The following SPRED2 variants were observed in gnomAD, a reference collection of about 807,000 sequenced individuals.
SPRED2 encodes sprouty related EVH1 domain containing 2, also known as sprouty-related, EVH1 domain-containing protein 2.
SPRED2 carries 47 observed loss-of-function variants against 43.0 expected under a neutral mutation model. The ratio of observed to expected loss-of-function variants is 1.09; its 90% confidence interval spans 0.87 to 1.40. The LOEUF is 1.40. Ranked by LOEUF, SPRED2 falls within the 40% of genes most tolerant of loss-of-function variation. The probability of loss-of-function intolerance (pLI) is 0.00; values close to 1 mark genes in which losing one functional copy is unlikely to be tolerated. For missense variants in SPRED2, 561 were observed against 586.4 expected (o/e 0.96, Z 0.45); for synonymous variants, 225 against 225.7 (o/e 1.00, Z 0.03).
At chr2:65,402,031 C>T (rs1423369215) in intron 1 of SPRED2, among the ~76,000 whole-genome samples, 3 of 150,686 alleles carry the variant, frequency 2.0e-5, no homozygotes, top group Admixed American at 2.0e-4. Flanking sequence ...CCAGGAGGAT[C>T]AGGTATTTCA....
chr2:65,323,201 G>C (rs1673485738), intron 4 of SPRED2, among the ~76,000 whole-genome samples: 2 of 152,056 alleles, frequency 1.3e-5, no homozygotes, highest in Admixed American at 1.3e-4. Context: ...CGCCATGTTG[G>C]CCAGGCTGGT....
intron 1 of SPRED2, among the ~76,000 whole-genome samples, chr2:65,416,325 A>T (rs1481798193): frequency 6.6e-6 from 1 of 152,164 alleles, no homozygotes; most frequent in Non-Finnish European, 1.5e-5. Context: ...TTGTTGAGAC[A>T]GTTGGGGGGG....
chr2:65,340,150 A>T lies in SPRED2; in HGVS notation c.204+4569T>A, dbSNP rs1674136889. 2.6e-5 allele frequency among the ~76,000 whole-genome samples: 4 copies of T among 152,292 alleles called. No homozygotes were observed. In the South Asian group the frequency reaches 6.2e-4, roughly 24 times the overall value. On this transcript the variant is annotated intron_variant, in intron 2 of 5. Transcript: ENST00000356388. ...AATACTGTTTAATTAAAAGTTTTAA[A>T]TTTTTTCCATTTTAATTTCTAATAT...
chr2:65,325,623 G>A (rs1426200836), intron 4 of SPRED2, among the ~76,000 whole-genome samples: 2 of 152,136 alleles, frequency 1.3e-5, no homozygotes, highest in Non-Finnish European at 2.9e-5. Context: ...GTTGGACTAA[G>A]CCCGTTGCTT....
At chr2:65,344,479 C>T (rs1322714684) in intron 2 of SPRED2, 4 of 633,756 alleles carry the variant, frequency 6.3e-6, no homozygotes, top group Non-Finnish European at 1.2e-5. Flanking sequence ...GCAAATAAAA[C>T]AGCCAAATAT....
chr2:65,395,215 A>G (rs1452760644), intron 1 of SPRED2, among the ~76,000 whole-genome samples: 2 of 150,998 alleles, frequency 1.3e-5, no homozygotes, highest in African/African-American at 4.9e-5. Flanking sequence ...GCCTCCACAC[A>G]CTCTTCCCTT....
intron 1 of SPRED2, among the ~76,000 whole-genome samples, chr2:65,370,154 A>C (rs1020976467): frequency 2.0e-5 from 3 of 152,216 alleles, no homozygotes; most frequent in Non-Finnish European, 4.4e-5. Flanking sequence ...AACCTTGCCT[A>C]CACTTAATGT....
chr2:65,380,896 C>T (rs115522666), intron 1 of SPRED2, among the ~76,000 whole-genome samples: 61 of 152,272 alleles, frequency 4.0e-4, no homozygotes, highest in African/African-American at 1.4e-3. Context: ...GATTATGCTC[C>T]ATCAAAGAGC....
In SPRED2 at chr2:65,401,937, G is replaced by GCGCGCGCGCACACA. The variant is rs776512353; in HGVS notation, c.26+30024_26+30025insTGTGTGCGCGCGCG. Among the ~76,000 whole-genome samples, 650 of 114,704 alleles carry GCGCGCGCGCACACA rather than the reference G, an allele frequency of 5.7e-3. 2 individuals are homozygous for GCGCGCGCGCACACA. Among genetic ancestry groups the GCGCGCGCGCACACA allele is most frequent in the African/African-American group, 0.012 (358 of 29,600 alleles). 75.3% of individuals were successfully genotyped at this position (114,704 alleles called of 152,430 possible). On this transcript the variant is annotated intron_variant, in intron 1 of 5. Transcript: ENST00000356388. ...ACGATCAGAATATTAGCGCGCGCGC[G>GCGCGCGCGCACACA]CACACACACACACACACACACACAC...
At chr2:65,424,512 A>G (rs140582953) in intron 1 of SPRED2, among the ~76,000 whole-genome samples, 26 of 152,232 alleles carry the variant, frequency 1.7e-4, no homozygotes, top group African/African-American at 6.3e-4. Flanking sequence ...CTGTGGTCGC[A>G]GCTACTTGGG....
At chr2:65,376,441 T>C (rs1445390588) in intron 1 of SPRED2, among the ~76,000 whole-genome samples, 1 of 152,140 alleles carries the variant, frequency 6.6e-6, no homozygotes, top group Non-Finnish European at 1.5e-5. Context: ...ATAGATGCAT[T>C]TTTCTTTTTA....
chr2:65,308,191 G>A, downstream of SPRED2: 1 of 580,146 alleles, frequency 1.7e-6, no homozygotes, highest in Non-Finnish European at 2.2e-6. Context: ...GACCCCAAAG[G>A]CCAGAGAAGC....
chr2:65,378,243 A>C (rs1675291211), intron 1 of SPRED2: 1 of 152,992 alleles, frequency 6.5e-6, no homozygotes, highest in African/African-American at 2.4e-5. Flanking sequence ...GGTATTTTTC[A>C]GACAAATTGG....
downstream of SPRED2, chr2:65,308,628 C>A (rs990081106): frequency 1.1e-6 from 1 of 899,384 alleles, no homozygotes; most frequent in African/African-American, 1.8e-5. Context: ...GCACCTGCTG[C>A]GTATCCCACT....
At chr2:65,390,703 G>A (rs1223204031) in intron 1 of SPRED2, among the ~76,000 whole-genome samples, 1 of 152,010 alleles carries the variant, frequency 6.6e-6, no homozygotes, top group Non-Finnish European at 1.5e-5. Flanking sequence ...GAGCACTGTG[G>A]GCTACATGTA....
At position 65,339,097 on chromosome 2, in the gene SPRED2, T is replaced by TGG. The variant is rs753578435; in HGVS notation, c.205-4326_205-4325dup. Among the ~76,000 whole-genome samples, 289 of 48,750 alleles carry TGG rather than the reference T, an allele frequency of 5.9e-3. 17 individuals are homozygous for TGG. Among genetic ancestry groups the TGG allele is most frequent in the Non-Finnish European group, 8.0e-3 (222 of 27,656 alleles). The allele number at this position is 48,750 out of a possible 152,430, so 32.0% of individuals were successfully genotyped here. On this transcript the variant is annotated intron_variant, in intron 2 of 5. Coordinates refer to ENST00000356388, the MANE Select transcript of SPRED2 (RefSeq NM_181784.3). Reference sequence around the variant, plus strand: ...CAGCCGCTCCGTCCGGGAGGGAGGTTGGGCGGGGGGTCAGCGCCCCCTCCC... The same window carrying TGG: ...CAGCCGCTCCGTCCGGGAGGGAGGTTGGGGGCGGGGGGTCAGCGCCCCCTCCC...
chr2:65,317,934 T>C (rs7561932), intron 4 of SPRED2, among the ~76,000 whole-genome samples: 40,881 of 151,782 alleles, frequency 0.27, 6,804 homozygotes, highest in East Asian at 0.76. Context: ...CTTTGGAAGG[T>C]GATTAGCTAT....
At chr2:65,307,359 C>T (rs889163317), downstream of SPRED2, among the ~76,000 whole-genome samples, 1 of 152,022 alleles carries the variant, frequency 6.6e-6, no homozygotes, top group African/African-American at 2.4e-5. Context: ...CCACGCCTGG[C>T]TAATTTTTGT....
chr2:65,322,064 C>A (rs150107848), intron 4 of SPRED2, among the ~76,000 whole-genome samples: 1 of 151,994 alleles, frequency 6.6e-6, no homozygotes, highest in Non-Finnish European at 1.5e-5. Context: ...GATGAGCTAC[C>A]ACGCCTGGCC....
Sources: allele counts gnomAD v4.1 joint callset (sites outside exome capture counted in the v4.1 genomes callset), GRCh38; gene constraint gnomAD v4.1.1; transcripts MANE v1.5; gene names NCBI Gene and HGNC (gene_info 2026-07-23, HGNC 2026-07-21).